TMPRSS15: variants seen among roughly 807,000 people sequenced by gnomAD.
TMPRSS15 encodes enteropeptidase.
In TMPRSS15, 128 loss-of-function variants were observed where a neutral mutation model predicts 125.3. The ratio of observed to expected loss-of-function variants is 1.02; its 90% CI spans 0.89 to 1.18. The LOEUF (loss-of-function observed/expected upper bound fraction) is 1.18, where lower values mean the gene tolerates loss of function less well. Ranked by LOEUF, TMPRSS15 falls within the 50% of genes most tolerant of loss-of-function variation. The probability of loss-of-function intolerance (pLI) is 0.00; values close to 1 mark genes in which losing one functional copy is unlikely to be tolerated. For missense variants in TMPRSS15, 1,283 were observed against 1,212.7 expected (o/e 1.06, Z -0.86); for synonymous variants, 446 against 423.2 (o/e 1.05, Z -0.66).
At position 18,294,604 on chromosome 21, in the gene TMPRSS15, T is replaced by C; in HGVS notation, c.2310A>G (p.Lys770=). ...DSLIRLQCNH[K]SCGKKLAAQD... ...GGATATGACAACATATTTACTTACATTTATGGTTACACTGTAACCGAATCA... is the reference window on the plus strand; with the variant it reads ...GGATATGACAACATATTTACTTACACTTATGGTTACACTGTAACCGAATCA... The change falls in exon 20 of 25, where the codon AAA becomes AAG. Residue 770 remains lysine, a splice_region_variant and synonymous_variant. Transcript: ENST00000284885. 6.2e-7 allele frequency: 1 copy of C among 1,610,802 alleles called. No individual in the cohort carries two copies. The highest frequency in any genetic ancestry group is 1.3e-5 in the African/African-American group (1 of 75,006).
At chr21:18,428,213 T>A (rs544351190) in intron 1 of TMPRSS15, among the ~76,000 whole-genome samples, 2 of 152,298 alleles carry the variant, frequency 1.3e-5, no homozygotes, top group African/African-American at 4.8e-5. Flanking sequence ...AATTTTAAAT[T>A]CAAATTTGAC....
At chr21:18,336,361 T>C (rs2075393251) in intron 13 of TMPRSS15, among the ~76,000 whole-genome samples, 1 of 152,186 alleles carries the variant, frequency 6.6e-6, no homozygotes, top group African/African-American at 2.4e-5. Context: ...AAGTGGCTAA[T>C]TTTCAAAATT....
intron 1 of TMPRSS15, among the ~76,000 whole-genome samples, chr21:18,428,363 T>A (rs572714853): frequency 6.6e-6 from 1 of 152,210 alleles, no homozygotes; most frequent in East Asian, 1.9e-4. Context: ...CGAGGAGAAA[T>A]TCAAGCAGGC....
chr21:18,276,018 G>T (rs373857505), intron 23 of TMPRSS15, among the ~76,000 whole-genome samples: 49 of 152,244 alleles, frequency 3.2e-4, no homozygotes, highest in African/African-American at 1.2e-3. Context: ...CCCCAGAAAA[G>T]GTACATGATA....
rs1303407875 is a variant in TMPRSS15, at chr21:18,372,314, T to G, written c.543A>C (p.Ser181=). The G allele has an allele frequency of 1.1e-5, 18 of 1,612,802 alleles. No individual in the cohort carries two copies. Among genetic ancestry groups the G allele is most frequent in the Non-Finnish European group, 1.4e-5 (17 of 1,179,208 alleles). ...TSHLATPGNV[S]IECLPGSSPC... Reference sequence around the variant, plus strand: ...GACTTGAACCAGGCAGGCACTCTATTGAGACATTTCCTTTAAAAAATAACT... The same window carrying G: ...GACTTGAACCAGGCAGGCACTCTATGGAGACATTTCCTTTAAAAAATAACT... Residue 181 remains serine, a synonymous_variant, in exon 6 of 25, where the codon TCA becomes TCC. Coordinates refer to ENST00000284885, the MANE Select transcript of TMPRSS15 (RefSeq NM_002772.3).
chr21:18,340,569 T>C (rs1162803448), intron 13 of TMPRSS15, among the ~76,000 whole-genome samples: 1 of 152,196 alleles, frequency 6.6e-6, no homozygotes, highest in East Asian at 1.9e-4. Flanking sequence ...TCTGTCCCTC[T>C]AGAGAACGCT....
chr21:18,470,963 A>T (rs1978767607), intron 1 of TMPRSS15, among the ~76,000 whole-genome samples: 1 of 145,076 alleles, frequency 6.9e-6, no homozygotes, highest in African/African-American at 2.6e-5. Context: ...TAGAAAAATC[A>T]CAAGATACGT....
chr21:18,270,761 C>T (rs2074545321), intron 24 of TMPRSS15, among the ~76,000 whole-genome samples: 2 of 152,032 alleles, frequency 1.3e-5, no homozygotes, highest in Admixed American at 1.3e-4. Flanking sequence ...CACAGCAGAT[C>T]CTAGTAAAGT....
intron 1 of TMPRSS15, among the ~76,000 whole-genome samples, chr21:18,481,594 G>A (rs1978982926): frequency 6.6e-6 from 1 of 151,646 alleles, no homozygotes; most frequent in Non-Finnish European, 1.5e-5. Flanking sequence ...AGACGGATTA[G>A]AAAATAAATA....
intron 18 of TMPRSS15, among the ~76,000 whole-genome samples, chr21:18,303,964 C>G (rs2075002814): frequency 6.6e-6 from 1 of 152,080 alleles, no homozygotes; most frequent in Non-Finnish European, 1.5e-5. Flanking sequence ...TTTTCAAATG[C>G]TTAGTAGGAG....
intron 13 of TMPRSS15, among the ~76,000 whole-genome samples, chr21:18,337,152 C>T (rs2075400557): frequency 6.6e-6 from 1 of 152,154 alleles, no homozygotes; most frequent in African/African-American, 2.4e-5. Flanking sequence ...CCTCAGCCTC[C>T]CAAAGTGCTG....
intron 1 of TMPRSS15, among the ~76,000 whole-genome samples, chr21:18,449,854 C>T (rs904248277): frequency 5.5e-4 from 64 of 117,350 alleles, no homozygotes; most frequent in African/African-American, 1.8e-3. Context: ...GAATCTTTCC[C>T]TCAAACACAC....
chr21:18,434,770 G>T (rs1028708431), intron 1 of TMPRSS15, among the ~76,000 whole-genome samples: 10 of 151,766 alleles, frequency 6.6e-5, no homozygotes, highest in Admixed American at 1.3e-4. Context: ...TTACATATTT[G>T]GAAGAAAGAT....
At chr21:18,354,331 C>G (rs139440988) in intron 8 of TMPRSS15, among the ~76,000 whole-genome samples, 3 of 151,748 alleles carry the variant, frequency 2.0e-5, no homozygotes, top group African/African-American at 7.2e-5. Context: ...TATACGACCT[C>G]AAAATAATAC....
At chr21:18,305,970 C>G (rs1309353687) in intron 18 of TMPRSS15, among the ~76,000 whole-genome samples, 1 of 152,158 alleles carries the variant, frequency 6.6e-6, no homozygotes, top group Admixed American at 6.5e-5. Flanking sequence ...TTGCCCAAAG[C>G]TTTTCTCACC....
At chr21:18,275,573 C>T (rs909509741) in intron 23 of TMPRSS15, among the ~76,000 whole-genome samples, 11 of 152,116 alleles carry the variant, frequency 7.2e-5, no homozygotes, top group African/African-American at 2.2e-4. Flanking sequence ...CTAGTAGGAG[C>T]GATGGATTAG....
At position 18,424,872 on chromosome 21, in the gene TMPRSS15, T is replaced by A. The variant is rs371848251; in HGVS notation, c.11-26543A>T. 2.7e-3 allele frequency among the ~76,000 whole-genome samples: 371 copies of A among 135,502 alleles called. 9 individuals are homozygous for A. The East Asian group carries it at 0.066, about 24-fold the overall frequency. 88.9% of individuals were successfully genotyped at this position (135,502 alleles called of 152,430 possible). ...AAAGAATGAAGACATTAAATGAGAA[T>A]TAAGAGAATATATGTATTCATATAT... On this transcript the variant is annotated intron_variant, in intron 1 of 7. Transcript: ENST00000422787.
chr21:18,331,873 T>C (rs891526169), intron 14 of TMPRSS15, among the ~76,000 whole-genome samples: 8 of 152,218 alleles, frequency 5.3e-5, no homozygotes, highest in African/African-American at 1.9e-4. Context: ...ATAATGTATA[T>C]TGGGCATTAA....
intron 1 of TMPRSS15, among the ~76,000 whole-genome samples, chr21:18,451,203 G>A (rs1030956296): frequency 6.6e-6 from 1 of 151,902 alleles, no homozygotes; most frequent in Non-Finnish European, 1.5e-5. Context: ...TTAATAAAAA[G>A]CCCATCATAA....
Sources: gnomAD v4.1 joint callset for allele counts (sites outside exome capture counted in the v4.1 genomes callset) on GRCh38, gnomAD v4.1.1 for gene constraint, MANE v1.5 for transcripts, NCBI Gene and HGNC (gene_info 2026-07-23, HGNC 2026-07-21) for gene names.